The following REXO1 variants were observed in gnomAD, a reference collection of about 807,000 sequenced individuals.
REXO1 encodes the protein REX1, RNA exonuclease 1 homolog.
A neutral mutation model predicts 102.6 loss-of-function variants in REXO1; 42 were observed. The observed-to-expected ratio is 0.41, with a 90% confidence interval of 0.32 to 0.53. REXO1 has a LOEUF of 0.53. Ranked by LOEUF, REXO1 falls within the 20% of genes least tolerant of loss-of-function variation. REXO1 has a pLI of 0.27. For missense variants in REXO1, 1,819 were observed against 1,732.5 expected (o/e 1.05, Z -0.89); for synonymous variants, 908 against 779.1 (o/e 1.17, Z -2.76).
Position 1,820,004 on chromosome 19 carries a change from G to A in REXO1, c.2580C>T (p.Tyr860=), listed in dbSNP as rs2069484025. ...AYDRSPSKNI[Y]LNVAVNTLKK... is the part of the protein sequence containing the mutation. ...TGAGGGTGTTCACGGCCACATTCAGGTAGATGTTCTTGCTGGGGCTGCGGT... is the reference window on the plus strand; with the variant it reads ...TGAGGGTGTTCACGGCCACATTCAGATAGATGTTCTTGCTGGGGCTGCGGT... Residue 860 remains tyrosine, a synonymous_variant, in exon 7 of 16, where the codon TAC becomes TAT. Coordinates refer to ENST00000170168, the MANE Select transcript of REXO1 (RefSeq NM_020695.4). 1.2e-6 allele frequency: 2 copies of A among 1,600,850 alleles called. No homozygotes were observed. The highest frequency in any genetic ancestry group is 1.7e-6 in the Non-Finnish European group (2 of 1,176,422).
Position 1,821,499 on chromosome 19 carries a change from G to A in REXO1, c.2394+20C>T. The A allele has an allele frequency of 1.2e-6, 2 of 1,613,190 alleles. No homozygotes were observed. Among genetic ancestry groups the A allele is most frequent in the Non-Finnish European group, 1.7e-6 (2 of 1,179,594 alleles). On this transcript the variant is annotated intron_variant, in intron 5 of 15. Transcript: ENST00000170168. The stretch of plus-strand genomic sequence containing the variant: ...CGTGGTCTTGGGGGTGGTGGTCCTG[G>A]CCGAGATGGGAGGGGCTACCTGTAA...
At chr19:1,833,079 C>G (rs538553098) in intron 1 of REXO1, among the ~76,000 whole-genome samples, 1 of 152,136 alleles carries the variant, frequency 6.6e-6, no homozygotes, top group South Asian at 2.1e-4. Context: ...AAAAAATGAG[C>G]TGGGTGTGAT....
At chr19:1,844,227 G>A (rs942216771) in intron 1 of REXO1, among the ~76,000 whole-genome samples, 16 of 152,350 alleles carry the variant, frequency 1.1e-4, no homozygotes, top group Admixed American at 4.6e-4. Context: ...TACCAGCCAC[G>A]CGTACACAGG....
rs576725224 is a variant in REXO1 at position 1,819,826 on chromosome 19, T to C, written c.2650+108A>G. On this transcript the variant is annotated intron_variant, in intron 7 of 15. Coordinates refer to ENST00000170168, the MANE Select transcript of REXO1 (RefSeq NM_020695.4). ...CACAGCACCGCGCTTTCCTTTTGTC[T>C]GAGACTGTGGCTGAGCTCAGGGCTG... 8.4e-5 allele frequency: 104 copies of C among 1,244,954 alleles called. 1 individual carries two copies. In the East Asian group the frequency reaches 1.9e-3, roughly 23 times the overall value. 77.1% of individuals were successfully genotyped at this position (1,244,954 alleles called of 1,614,324 possible). A position where few individuals can be genotyped will look rare whatever the true frequency, so the allele number is the denominator to read the frequency against.
In REXO1 at chr19:1,828,542, G is replaced by C; in HGVS notation, c.247C>G (p.Pro83Ala). ...ACCAGCTCCAACTCCAGCACATCCG[G>C]GCGCGGCTCCTCCCCCAGGCCCAGG... ...GTLGLGEEPR[P>A]DVLELELVNQ... Residue 83 changes from proline to alanine, a missense_variant, in exon 2 of 16, where the codon CCG (proline) becomes GCG (alanine). Coordinates refer to ENST00000170168, the MANE Select transcript of REXO1 (RefSeq NM_020695.4). 1 of 1,604,356 alleles carries C rather than the reference G, an allele frequency of 6.2e-7. No individual in the cohort carries two copies. The highest frequency in any genetic ancestry group is 8.5e-7 in the Non-Finnish European group (1 of 1,179,850).
intron 1 of REXO1, among the ~76,000 whole-genome samples, chr19:1,847,590 G>A (rs956836334): frequency 6.6e-5 from 10 of 152,218 alleles, no homozygotes. Context: ...GTGAGGTGGA[G>A]TCCACCAACG....
chr19:1,829,458 T>C (rs890639150), intron 1 of REXO1, among the ~76,000 whole-genome samples: 1 of 151,696 alleles, frequency 6.6e-6, no homozygotes, highest in Non-Finnish European at 1.5e-5. Flanking sequence ...AGTCTCGAAC[T>C]CCTGACCTCA....
intron 1 of REXO1, among the ~76,000 whole-genome samples, chr19:1,845,961 G>A (rs925171423): frequency 5.9e-5 from 9 of 152,168 alleles, no homozygotes; most frequent in South Asian, 2.1e-4. Context: ...ATAAGCCTCC[G>A]TTTCCCCACC....
intron 1 of REXO1, among the ~76,000 whole-genome samples, chr19:1,841,235 T>G (rs1467774985): frequency 1.3e-5 from 2 of 152,212 alleles, no homozygotes; most frequent in Non-Finnish European, 2.9e-5. Context: ...AGGTTTTTGC[T>G]TTTTGTTCTG....
In REXO1 at chr19:1,816,026, A is replaced by C. The variant is rs1174673236; in HGVS notation, c.*40T>G. ...TGGAAGAGGCATGGGGCTAAGGACC[A>C]GCGGGACGGCAGGAGAGGCGGGTGG... On this transcript the variant is annotated 3_prime_UTR_variant, in exon 16 of 16. Transcript: ENST00000170168. 4.5e-6 allele frequency: 7 copies of C among 1,540,254 alleles called. No homozygotes were observed. Among genetic ancestry groups the C allele is most frequent in the African/African-American group, 1.4e-5 (1 of 72,966 alleles).
chr19:1,828,499 G>C lies in REXO1; in HGVS notation c.290C>G (p.Ala97Gly). 1 of 1,604,946 alleles carries C rather than the reference G, an allele frequency of 6.2e-7. No homozygotes were observed. The highest frequency in any genetic ancestry group is 8.5e-7 in the Non-Finnish European group (1 of 1,179,812). ...ELELVNQAIE[A>G]VRSEVELEQR... ...CTCCAGCTCCACCTCACTGCGCACGGCCTCGATGGCCTGGTTGACCAGCTC... is the reference window on the plus strand; with the variant it reads ...CTCCAGCTCCACCTCACTGCGCACGCCCTCGATGGCCTGGTTGACCAGCTC... The change falls in exon 2 of 16, where the codon GCC becomes GGC. Residue 97 changes from alanine (A) to glycine (G), a missense_variant. Ala to Gly is a moderately conservative substitution (Grantham distance 60, BLOSUM62 0). Transcript: ENST00000170168.
chr19:1,821,892 G>A, intron 4 of REXO1: 1 of 588,352 alleles, frequency 1.7e-6, no homozygotes, highest in Non-Finnish European at 3.0e-6. Flanking sequence ...CACAGGTCAG[G>A]CTGCGGAGGC....
rs778326462 is a variant in REXO1 at position 1,827,839 on chromosome 19, G to A, written c.950C>T (p.Ala317Val). The A allele has an allele frequency of 3.1e-6, 5 of 1,612,166 alleles. No individual in the cohort carries two copies. The highest frequency in any genetic ancestry group is 3.4e-6 in the Non-Finnish European group (4 of 1,179,682). Residue 317 changes from alanine (A) to valine (V), a missense_variant, in exon 2 of 16, where the codon GCC becomes GTC. Ala to Val is a moderately conservative substitution (Grantham distance 64). Coordinates refer to ENST00000170168, the MANE Select transcript of REXO1 (RefSeq NM_020695.4). Reference protein sequence around the residue: ...PKARADPEIKATGQPPSKEGL... With the variant: ...PKARADPEIKVTGQPPSKEGL... ...CTCTTTGGAGGGTGGCTGCCCGGTGGCCTTGATCTCAGGGTCGGCCCTGGC... is the reference window on the plus strand; with the variant it reads ...CTCTTTGGAGGGTGGCTGCCCGGTGACCTTGATCTCAGGGTCGGCCCTGGC...
chr19:1,848,483 C>T lies in REXO1; in HGVS notation c.-125G>A. On this transcript the variant is annotated 5_prime_UTR_variant, in exon 1 of 16. Coordinates refer to ENST00000170168, the MANE Select transcript of REXO1 (RefSeq NM_020695.4). ...CGCCGCCATCTTGCTCCGAGGCCCC[C>T]GGAGGCCCTCGGGACGCCGCCGCAA... 1.5e-6 allele frequency: 1 copy of T among 681,840 alleles called. No homozygotes were observed. The allele number at this position is 681,840 out of a possible 1,614,324, so 42.2% of individuals were successfully genotyped here.
chr19:1,835,565 TACAC>T (rs1316922742), intron 1 of REXO1, among the ~76,000 whole-genome samples: 2 of 151,342 alleles, frequency 1.3e-5, no homozygotes, highest in Non-Finnish European at 2.9e-5. Flanking sequence ...CATACATACA[TACAC>T]ACACACATAC....
At chr19:1,848,094 T>G in intron 1 of REXO1, 108 bp downstream of exon 1, 11 of 497,126 alleles carry the variant, frequency 2.2e-5, no homozygotes, top group Non-Finnish European at 2.8e-5. Flanking sequence ...CCCGCGAACG[T>G]GTGGGGAGGA....
intron 1 of REXO1, among the ~76,000 whole-genome samples, chr19:1,841,872 GC>G (rs2011298954): frequency 6.6e-6 from 1 of 152,170 alleles, no homozygotes; most frequent in Non-Finnish European, 1.5e-5. Context: ...CAGGGTCTCT[GC>G]CTCTCCCTAC....
At position 1,827,587 on chromosome 19, in the gene REXO1, T is replaced by G; in HGVS notation, c.1202A>C (p.Asp401Ala). 6.3e-7 allele frequency: 1 copy of G among 1,592,338 alleles called. No individual in the cohort carries two copies. The highest frequency in any genetic ancestry group is 1.1e-5 in the South Asian group (1 of 88,510). Residue 401 changes from aspartate (D) to alanine (A), a missense_variant, in exon 2 of 16, where the codon GAC becomes GCC. Physicochemically the swap from Asp to Ala is moderately radical, Grantham distance 126. Coordinates refer to ENST00000170168, the MANE Select transcript of REXO1 (RefSeq NM_020695.4). ...CTCCACAGGCCGCCCTCGGCCCTTG[T>G]CCTTGGTCTTGTCCTTCCCCTGGGC... ...DGAQGKDKTK[D>A]KGRGRPVEKP...
In REXO1 at chr19:1,821,577, G is replaced by A. The variant is rs779742667; in HGVS notation, c.2336C>T (p.Ala779Val). Residue 779 changes from alanine to valine, a missense_variant, in exon 5 of 16, where the codon GCG becomes GTG. Coordinates refer to ENST00000170168, the MANE Select transcript of REXO1 (RefSeq NM_020695.4). Reference sequence around the variant, plus strand: ...GATGATGGTGGTGGTAGTCTTGGACGCCATCCCCGACAATGTGCGTGTTTT... The same window carrying A: ...GATGATGGTGGTGGTAGTCTTGGACACCATCCCCGACAATGTGCGTGTTTT... ...QLKTRTLSGM[A>V]SKTTTTIIPK... 5.0e-6 allele frequency: 8 copies of A among 1,613,802 alleles called. No individual in the cohort carries two copies. Among genetic ancestry groups the A allele is most frequent in the South Asian group, 4.4e-5 (4 of 91,086 alleles).
Sources: allele counts gnomAD v4.1 joint callset (sites outside exome capture counted in the v4.1 genomes callset), GRCh38; gene constraint gnomAD v4.1.1; transcripts MANE v1.5; gene names NCBI Gene and HGNC (gene_info 2026-07-23, HGNC 2026-07-21).